DENND1A: variants seen among roughly 807,000 people sequenced by gnomAD.
DENND1A encodes the protein DENN domain containing 1A.
A neutral mutation model predicts 113.7 loss-of-function variants in DENND1A; 51 were observed. That is an observed-to-expected ratio of 0.45 (90% CI 0.36 to 0.57). The LOEUF (loss-of-function observed/expected upper bound fraction) is 0.57, where lower values mean the gene tolerates loss of function less well. Among genes scored for constraint, DENND1A ranks in the 20% least tolerant of loss-of-function variants. The probability of loss-of-function intolerance (pLI) is 0.00; values close to 1 mark genes in which losing one functional copy is unlikely to be tolerated. For missense variants in DENND1A, 1,258 were observed against 1,395.9 expected (o/e 0.90, Z 1.57); for synonymous variants, 565 against 570.8 (o/e 0.99, Z 0.14).
intron 13 of DENND1A, among the ~76,000 whole-genome samples, chr9:123,458,830 G>A (rs1820658961): frequency 6.6e-6 from 1 of 152,160 alleles, no homozygotes; most frequent in Non-Finnish European, 1.5e-5. Context: ...GTGTGGTGGT[G>A]CATGTCTGTA....
rs746390585 is a variant in DENND1A at position 123,381,484 on chromosome 9, G to GGGGCCA, written c.3155_3160dup (p.Leu1052_Ala1053dup). ...GAGCTGCTCCACCGAGTCTGGGGCC[G>GGGGCCA]GGGCCAGGGCCGGACTCGGGCTCAC... is the stretch of plus-strand genomic sequence containing the variant. On this transcript the variant is annotated inframe_insertion, in exon 24 of 24. Transcript: ENST00000394215. The surrounding 1 kb of genome is among the most constrained non-coding windows in gnomAD (Gnocchi z 4.7). 2.4e-5 allele frequency: 38 copies of GGGGCCA among 1,613,520 alleles called. No individual in the cohort carries two copies. Among genetic ancestry groups the GGGGCCA allele is most frequent in the Middle Eastern group, 1.6e-4 (1 of 6,082 alleles).
chr9:123,859,115 G>A lies in DENND1A; in HGVS notation c.88+19836C>T, dbSNP rs1464079774. ...AACATCCACCTACCATACAGTATGTGCACCTTTGTTAGCACTTACTAACAG... is the reference window on the plus strand; with the variant it reads ...AACATCCACCTACCATACAGTATGTACACCTTTGTTAGCACTTACTAACAG... On this transcript the variant is annotated intron_variant, in intron 2 of 23. Coordinates refer to ENST00000394215, the MANE Select transcript of DENND1A (RefSeq NM_001352964.2). 2.0e-5 allele frequency among the ~76,000 whole-genome samples: 3 copies of A among 152,112 alleles called. No homozygotes were observed. In the East Asian group the frequency reaches 5.8e-4, roughly 29 times the overall value.
At chr9:123,615,443 C>A (rs1469362604) in intron 10 of DENND1A, among the ~76,000 whole-genome samples, 1 of 152,218 alleles carries the variant, frequency 6.6e-6, no homozygotes, top group Non-Finnish European at 1.5e-5. Context: ...TTTCTCTAAC[C>A]TGCTCCCTAA....
At position 123,671,293 on chromosome 9, in the gene DENND1A, C is replaced by A. The variant is rs145446980; in HGVS notation, c.451G>T (p.Val151Leu). The A allele has an allele frequency of 6.2e-7, 1 of 1,614,008 alleles. No individual in the cohort carries two copies. Among genetic ancestry groups the A allele is most frequent in the African/African-American group, 1.3e-5 (1 of 75,000 alleles). ...GGCTAATACTCCGCCCCACTTACCA[C>A]GCTGAGATGGACAGACACTCCTGGG... ...PDPGVSVHLS[V>L]HSYFTVPDTR... Residue 151 changes from valine (V) to leucine (L), a missense_variant and splice_region_variant, in exon 7 of 24, where the codon GTG (valine) becomes TTG (leucine). Val to Leu is a conservative substitution (Grantham distance 32, BLOSUM62 1). Transcript: ENST00000394215.
At chr9:123,705,595 G>GA (rs920067567) in intron 5 of DENND1A, among the ~76,000 whole-genome samples, 4 of 151,898 alleles carry the variant, frequency 2.6e-5, no homozygotes, top group Non-Finnish European at 1.5e-5. Flanking sequence ...GTCCTTAGGG[G>GA]AAAAAAATGA....
intron 1 of DENND1A, among the ~76,000 whole-genome samples, chr9:123,892,774 G>A (rs1302822195): frequency 6.6e-6 from 1 of 152,174 alleles, no homozygotes; most frequent in Non-Finnish European, 1.5e-5. Context: ...TTGAGGTCAG[G>A]AGTTGAAGAC....
chr9:123,433,746 T>C (rs1417812256), intron 19 of DENND1A, among the ~76,000 whole-genome samples: 1 of 152,208 alleles, frequency 6.6e-6, no homozygotes, highest in African/African-American at 2.4e-5. Flanking sequence ...CTTTCACAGA[T>C]AAAACCTTTA....
chr9:123,505,295 C>A (rs1371837331), intron 13 of DENND1A, among the ~76,000 whole-genome samples: 1 of 152,236 alleles, frequency 6.6e-6, no homozygotes, highest in Non-Finnish European at 1.5e-5. Flanking sequence ...CTTACATACA[C>A]AGGTTGCTAT....
At chr9:123,715,984 G>A (rs2066952774) in intron 5 of DENND1A, among the ~76,000 whole-genome samples, 1 of 152,104 alleles carries the variant, frequency 6.6e-6, no homozygotes, top group Non-Finnish European at 1.5e-5. Context: ...GTAGGCACTG[G>A]ATCTTAAAGC....
intron 17 of DENND1A, among the ~76,000 whole-genome samples, chr9:123,451,663 C>A (rs894361973): frequency 6.6e-6 from 1 of 152,192 alleles, no homozygotes; most frequent in African/African-American, 2.4e-5. Flanking sequence ...CCAGATAGAC[C>A]ATGCTTCCGG....
intron 2 of DENND1A, among the ~76,000 whole-genome samples, chr9:123,833,122 C>CAAAA (rs1163844269): frequency 1.1e-4 from 3 of 27,564 alleles, no homozygotes; most frequent in African/African-American, 2.3e-4. Context: ...GACCTCATCT[C>CAAAA]AAAAAAAAAA....
At chr9:123,556,242 C>G (rs2057407813) in intron 13 of DENND1A, among the ~76,000 whole-genome samples, 1 of 152,146 alleles carries the variant, frequency 6.6e-6, no homozygotes. Context: ...CTCAGGCAGC[C>G]TAGAGAGTAA....
intron 13 of DENND1A, among the ~76,000 whole-genome samples, chr9:123,480,329 T>C (rs1173347907): frequency 6.6e-6 from 1 of 152,188 alleles, no homozygotes; most frequent in Admixed American, 6.5e-5. Flanking sequence ...ACTGCCCTTG[T>C]GAGAGGCTTC....
At chr9:123,769,660 G>C in intron 3 of DENND1A, 97 bp from the exon 4 acceptor site, 1 of 996,700 alleles carries the variant, frequency 1.0e-6, no homozygotes, top group Non-Finnish European at 1.4e-6. Flanking sequence ...CCTAAAGAAA[G>C]AGGAGACAGA....
chr9:123,462,466 G>A (rs2048605252), intron 13 of DENND1A, among the ~76,000 whole-genome samples: 1 of 152,140 alleles, frequency 6.6e-6, no homozygotes, highest in Non-Finnish European at 1.5e-5. Flanking sequence ...CTAAATGCTT[G>A]CCCTGAGACC....
At chr9:123,594,550 A>AC (rs145950133) in intron 11 of DENND1A, among the ~76,000 whole-genome samples, 13,485 of 151,582 alleles carry the variant, frequency 0.089, 1,081 homozygotes, top group African/African-American at 0.21. Context: ...AATATAACGG[A>AC]CCTTTGTTAG....
At chr9:123,651,857 TAAAA>T (rs11315081) in intron 9 of DENND1A, among the ~76,000 whole-genome samples, 152 bp downstream of exon 9, 1 of 149,646 alleles carries the variant, frequency 6.7e-6, no homozygotes, top group African/African-American at 2.4e-5. Flanking sequence ...ATTGGCACTG[TAAAA>T]AAAAAAAAAT....
intron 4 of DENND1A, among the ~76,000 whole-genome samples, chr9:123,767,429 T>C (rs1301577103): frequency 6.6e-6 from 1 of 151,502 alleles, no homozygotes; most frequent in Non-Finnish European, 1.5e-5. Context: ...AAAAGGAACA[T>C]GATTAGGGGA....
Position 123,592,057 on chromosome 9 carries a change from A to C in DENND1A, c.766-8787T>G, listed in dbSNP as rs10818848. 4.5e-3 allele frequency among the ~76,000 whole-genome samples: 681 copies of C among 152,276 alleles called. 24 individuals carry two copies. In the East Asian group the frequency reaches 0.11, roughly 24 times the overall value. On this transcript the variant is annotated intron_variant, in intron 11 of 23. Transcript: ENST00000394215. ...TGTTCTTATCAATAAAATAGGGATA[A>C]TACTGCACAGCTGTGTTGCGAGGAT...
Sources: gnomAD v4.1 joint callset for allele counts (sites outside exome capture counted in the v4.1 genomes callset) on GRCh38, gnomAD v4.1.1 for gene constraint, Gnocchi (gnomAD v3.1) non-coding constraint, MANE v1.5 for transcripts, NCBI Gene and HGNC (gene_info 2026-07-23, HGNC 2026-07-21) for gene names.